SIPA1L1: variants seen among roughly 807,000 people sequenced by gnomAD.
SIPA1L1 encodes the protein signal induced proliferation associated 1 like 1.
SIPA1L1 carries 26 observed loss-of-function variants against 162.7 expected under a neutral mutation model. The ratio of observed to expected loss-of-function variants is 0.16; its 90% CI spans 0.12 to 0.22. The LOEUF is 0.22. Among genes scored for constraint, SIPA1L1 ranks in the 10% least tolerant of loss-of-function variants. The pLI is 1.00. For missense variants in SIPA1L1, 1,874 were observed against 2,241.0 expected (o/e 0.84, Z 3.31); for synonymous variants, 829 against 837.4 (o/e 0.99, Z 0.17).
intron 2 of SIPA1L1, among the ~76,000 whole-genome samples, chr14:71,375,476 T>C (rs1047856283): frequency 6.6e-6 from 1 of 152,174 alleles, no homozygotes; most frequent in Non-Finnish European, 1.5e-5. Flanking sequence ...TCATTTCTTA[T>C]AATAGTGTAG....
At chr14:71,658,890 T>G (rs748004376) in intron 9 of SIPA1L1, among the ~76,000 whole-genome samples, 1 of 152,250 alleles carries the variant, frequency 6.6e-6, no homozygotes, top group African/African-American at 2.4e-5. Context: ...CAGAATGATA[T>G]TCTTCCTTAC....
Position 71,476,958 on chromosome 14 carries a change from A to G in SIPA1L1, c.-464-35785A>G, listed in dbSNP as rs191546900. 5.2e-3 allele frequency among the ~76,000 whole-genome samples: 797 copies of G among 152,230 alleles called. 3 individuals are homozygous for G. The highest frequency in any genetic ancestry group is 8.6e-3 in the Non-Finnish European group (584 of 68,008). On this transcript the variant is annotated intron_variant, in intron 2 of 23. Transcript: ENST00000381232. ...CCCCATAACTCTTCTACCTCGCTCAAAAAGTTTCTTTGTGGGCCAGGCATA... is the reference window on the plus strand; with the variant it reads ...CCCCATAACTCTTCTACCTCGCTCAGAAAGTTTCTTTGTGGGCCAGGCATA...
At chr14:71,583,811 C>A (rs1235251621) in intron 4 of SIPA1L1, among the ~76,000 whole-genome samples, 1 of 152,052 alleles carries the variant, frequency 6.6e-6, no homozygotes, top group African/African-American at 2.4e-5. Context: ...AGATCATGAC[C>A]AGAGATTTGG....
intron 2 of SIPA1L1, among the ~76,000 whole-genome samples, chr14:71,451,632 CAAAAAAAA>C (rs762968378): frequency 1.8e-5 from 1 of 54,394 alleles, no homozygotes; most frequent in African/African-American, 6.8e-5. Context: ...GACCTTGTCT[CAAAAAAAA>C]AAAAAAAAAA....
rs539758264 is a variant in SIPA1L1 at position 71,617,445 on chromosome 14, T to G, written c.1499-1312T>G. Among the ~76,000 whole-genome samples the G allele has an allele frequency of 7.9e-5, 12 of 152,348 alleles. 2 individuals are homozygous for G. In the South Asian group the frequency reaches 2.3e-3, roughly 29 times the overall value. ...GAATTTTGTGACATTTAGTGGGTTA[T>G]TTCTTATATATGAGATGTTTGTTGC... On this transcript the variant is annotated intron_variant, in intron 5 of 23. Transcript: ENST00000381232.
intron 2 of SIPA1L1, among the ~76,000 whole-genome samples, chr14:71,337,089 C>A (rs1429990207): frequency 1.3e-5 from 2 of 152,154 alleles, no homozygotes; most frequent in African/African-American, 2.4e-5. Context: ...TGGAGGAACT[C>A]AAGTGGCTCT....
chr14:71,738,189 A>AACCC, intron 22 of SIPA1L1, 52 bp from the exon 23 acceptor site: 6 of 960,588 alleles, frequency 6.2e-6, no homozygotes, highest in Non-Finnish European at 7.7e-6. Context: ...AAAAAAAACA[A>AACCC]ACCCAGCCAT....
intron 15 of SIPA1L1, chr14:71,704,621 C>T (rs1376378503): frequency 3.8e-6 from 3 of 794,546 alleles, no homozygotes; most frequent in Non-Finnish European, 6.6e-6. Context: ...TTCTTTATCT[C>T]TCACTTTTGG....
chr14:71,645,448 A>G (rs1033715130), intron 7 of SIPA1L1, among the ~76,000 whole-genome samples: 4 of 152,196 alleles, frequency 2.6e-5, no homozygotes, highest in African/African-American at 9.7e-5. Context: ...TCATCTTGCA[A>G]CTCAGTTGAA....
intron 8 of SIPA1L1, among the ~76,000 whole-genome samples, chr14:71,654,470 A>G (rs1372026526): frequency 6.6e-6 from 1 of 152,208 alleles, no homozygotes; most frequent in East Asian, 1.9e-4. Flanking sequence ...TTGTCACGTC[A>G]GTACACAGGA....
chr14:71,542,883 C>A (rs541532848), intron 4 of SIPA1L1, among the ~76,000 whole-genome samples: 1 of 151,748 alleles, frequency 6.6e-6, no homozygotes, highest in Non-Finnish European at 1.5e-5. Flanking sequence ...TGTGCCCTGC[C>A]CCTTCATTTC....
chr14:71,655,989 TACC>T (rs2043024306), intron 8 of SIPA1L1, among the ~76,000 whole-genome samples: 7 of 152,230 alleles, frequency 4.6e-5, no homozygotes, highest in Admixed American at 4.6e-4. Flanking sequence ...TAAAGTTTAA[TACC>T]TCTATGAAGT....
chr14:71,397,414 A>G (rs140016094), intron 2 of SIPA1L1, among the ~76,000 whole-genome samples: 63 of 150,770 alleles, frequency 4.2e-4, no homozygotes, highest in African/African-American at 1.4e-3. Flanking sequence ...CTTTATATAT[A>G]TATAATAGTA....
In SIPA1L1 at chr14:71,356,567, C is replaced by CAAA. The variant is rs71105772; in HGVS notation, c.-465+35404_-465+35406dup. Among the ~76,000 whole-genome samples the CAAA allele has an allele frequency of 6.4e-4, 25 of 39,162 alleles. 6 individuals carry two copies. Among genetic ancestry groups the CAAA allele is most frequent in the East Asian group, 2.4e-3 (3 of 1,266 alleles). 25.7% of individuals were successfully genotyped at this position (39,162 alleles called of 152,430 possible). The stretch of plus-strand genomic sequence containing the variant: ...GCAACATAGCAAGACCTTGTCTCTA[C>CAAA]AAAAAAAAAAAAAAAAAAAAGCACA... On this transcript the variant is annotated intron_variant, in intron 2 of 23. Coordinates refer to ENST00000381232, the MANE Select transcript of SIPA1L1 (RefSeq NM_001386936.1).
At position 71,525,166 on chromosome 14, in the gene SIPA1L1, G is replaced by T. The variant is rs2052733941; in HGVS notation, c.-361-4146G>T. Among the ~76,000 whole-genome samples the T allele has an allele frequency of 2.0e-5, 3 of 151,092 alleles. No individual in the cohort carries two copies. The South Asian group carries it at 6.3e-4, about 32-fold the overall frequency. On this transcript the variant is annotated intron_variant, in intron 3 of 23. Coordinates refer to ENST00000381232, the MANE Select transcript of SIPA1L1 (RefSeq NM_001386936.1). ...TTTTTGTATTTTTTGTAGAGATGGGGTTTTGCTATGTAGCCCAACTGACTT... is the reference window on the plus strand; with the variant it reads ...TTTTTGTATTTTTTGTAGAGATGGGTTTTTGCTATGTAGCCCAACTGACTT...
intron 4 of SIPA1L1, among the ~76,000 whole-genome samples, chr14:71,561,139 A>G (rs1265777528): frequency 6.6e-6 from 1 of 152,192 alleles, no homozygotes; most frequent in East Asian, 1.9e-4. Context: ...TTTTCAAAAA[A>G]CATGGGCAAT....
intron 13 of SIPA1L1, among the ~76,000 whole-genome samples, chr14:71,698,455 A>G (rs1255599739): frequency 6.6e-6 from 1 of 152,262 alleles, no homozygotes. Context: ...AGGTTTTTAT[A>G]TAGTGATACT....
intron 4 of SIPA1L1, among the ~76,000 whole-genome samples, chr14:71,545,503 C>T (rs1234737294): frequency 6.6e-6 from 1 of 152,114 alleles, no homozygotes; most frequent in Non-Finnish European, 1.5e-5. Context: ...TGCTAGTACT[C>T]AGACATAACA....
chr14:71,711,246 G>A (rs1372772728), intron 17 of SIPA1L1, among the ~76,000 whole-genome samples: 1 of 152,184 alleles, frequency 6.6e-6, no homozygotes, highest in Non-Finnish European at 1.5e-5. Flanking sequence ...TGATTCAAAT[G>A]GTATAAGAGA....
Sources: allele counts gnomAD v4.1 joint callset (sites outside exome capture counted in the v4.1 genomes callset), GRCh38; gene constraint gnomAD v4.1.1; transcripts MANE v1.5; gene names NCBI Gene and HGNC (gene_info 2026-07-23, HGNC 2026-07-21).